The following FBXO34 variants were observed in gnomAD, a reference collection of about 807,000 sequenced individuals.
The protein encoded by FBXO34 is F-box only protein 34.
FBXO34 carries 12 observed loss-of-function variants against 24.5 expected under a neutral mutation model. The observed-to-expected ratio is 0.49, with a 90% CI of 0.31 to 0.79. The LOEUF is 0.79. Among genes scored for constraint, FBXO34 ranks in the 30% least tolerant of loss-of-function variants. The pLI, the probability that FBXO34 is intolerant of heterozygous loss-of-function variation, is 0.04. For missense variants in FBXO34, 823 were observed against 857.7 expected (o/e 0.96, Z 0.51); for synonymous variants, 320 against 311.9 (o/e 1.03, Z -0.27).
the FBXO34 span, among the ~76,000 whole-genome samples, chr14:55,422,611 AG>A: frequency 6.6e-6 from 1 of 152,156 alleles, no homozygotes; most frequent in African/African-American, 2.4e-5. Context: ...CAGCACTTTG[AG>A]AGGCCAAGGC....
chr14:55,298,621 G>C, intron 1 of FBXO34: 3 of 1,257,030 alleles, frequency 2.4e-6, no homozygotes, highest in Non-Finnish European at 3.3e-6. Context: ...CGGAGCGGGC[G>C]TTGAAGGCTG....
chr14:55,361,239 C>T (rs191750195), intron 3 of FBXO34, among the ~76,000 whole-genome samples: 108 of 152,332 alleles, frequency 7.1e-4, no homozygotes, highest in African/African-American at 2.4e-3. Flanking sequence ...TGCATGAAAA[C>T]ATTAATCTCC....
chr14:55,407,908 G>A, the FBXO34 span, among the ~76,000 whole-genome samples: 3 of 152,110 alleles, frequency 2.0e-5, no homozygotes, highest in Non-Finnish European at 4.4e-5. Flanking sequence ...GAGGAAAAGT[G>A]TTCCAGGCAG....
the FBXO34 span, among the ~76,000 whole-genome samples, chr14:55,430,276 C>A: frequency 1.3e-5 from 2 of 152,102 alleles, no homozygotes; most frequent in African/African-American, 4.8e-5. Flanking sequence ...AACTTGTTTG[C>A]CTGGACTAAA....
downstream of FBXO34, chr14:55,369,668 G>A (rs370413566): frequency 1.3e-6 from 2 of 1,574,838 alleles, no homozygotes; most frequent in Non-Finnish European, 1.7e-6. Flanking sequence ...CGAGGCTGCT[G>A]CAGAGGAGAT....
At position 55,287,929 on chromosome 14, in the gene FBXO34, T is replaced by C. The variant is rs561633764; in HGVS notation, c.-11+16392T>C. Among the ~76,000 whole-genome samples, 57 of 152,318 alleles carry C rather than the reference T, an allele frequency of 3.7e-4. 1 individual carries two copies. The highest frequency in any genetic ancestry group is 2.9e-5 in the Non-Finnish European group (2 of 68,032). On this transcript the variant is annotated intron_variant, in intron 1 of 1. Transcript: ENST00000313833. ...GCTGTGTTAACAATGTCATCTTCATTGTTGTGTGCCTGTGTTTTGACTGTG... is the reference window on the plus strand; with the variant it reads ...GCTGTGTTAACAATGTCATCTTCATCGTTGTGTGCCTGTGTTTTGACTGTG...
At chr14:55,366,168 G>A (rs1461414677), downstream of FBXO34, among the ~76,000 whole-genome samples, 1 of 152,162 alleles carries the variant, frequency 6.6e-6, no homozygotes, top group African/African-American at 2.4e-5. Context: ...CGTCTTTAGG[G>A]AAAGTATGCA....
the FBXO34 span, chr14:55,411,708 C>G: frequency 1.9e-6 from 3 of 1,612,690 alleles, no homozygotes; most frequent in East Asian, 2.2e-5. Flanking sequence ...CGCTCCACAG[C>G]CACGTACAGC....
intron 1 of FBXO34, among the ~76,000 whole-genome samples, chr14:55,309,627 G>A (rs765960655): frequency 5.3e-5 from 8 of 152,262 alleles, no homozygotes; most frequent in Admixed American, 1.3e-4. Context: ...AAATCATTTG[G>A]AAGGCTGCAT....
At chr14:55,307,018 G>A (rs917871057) in intron 1 of FBXO34, among the ~76,000 whole-genome samples, 7 of 152,100 alleles carry the variant, frequency 4.6e-5, no homozygotes, top group South Asian at 2.1e-4. Flanking sequence ...GTTTAATATG[G>A]TATCCACCCA....
At chr14:55,371,376 C>T (rs1172043899), downstream of FBXO34, among the ~76,000 whole-genome samples, 3 of 152,212 alleles carry the variant, frequency 2.0e-5, no homozygotes, top group African/African-American at 4.8e-5. Context: ...CTCCCAGACA[C>T]CTGTGCTTCC....
At chr14:55,321,923 T>C (rs901872069) in intron 1 of FBXO34, among the ~76,000 whole-genome samples, 57 of 152,262 alleles carry the variant, frequency 3.7e-4, no homozygotes, top group Admixed American at 3.7e-3. Context: ...TTTGAAATTA[T>C]ACAATTTAAC....
the FBXO34 span, chr14:55,385,982 A>C: frequency 1.2e-6 from 2 of 1,613,996 alleles, no homozygotes; most frequent in African/African-American, 1.3e-5. Flanking sequence ...TTTTTCTACC[A>C]GGTCACCAAG....
At chr14:55,398,354 G>A in the FBXO34 span, among the ~76,000 whole-genome samples, 5,101 of 152,182 alleles carry the variant, frequency 0.034, 236 homozygotes, top group East Asian at 0.17. Flanking sequence ...AGTTTAAGGT[G>A]ATAACTCAGG....
chr14:55,427,218 G>A, the FBXO34 span, among the ~76,000 whole-genome samples: 1 of 151,942 alleles, frequency 6.6e-6, no homozygotes, highest in Admixed American at 6.5e-5. Flanking sequence ...GGGGGAATGG[G>A]AGGACTTTAT....
chr14:55,411,979 C>G, the FBXO34 span: 1 of 684,530 alleles, frequency 1.5e-6, no homozygotes, highest in Non-Finnish European at 2.4e-6. Context: ...TGTTGTTTTT[C>G]CGGTCTGCTG....
At chr14:55,328,060 T>G (rs1883409895) in intron 1 of FBXO34, among the ~76,000 whole-genome samples, 1 of 151,376 alleles carries the variant, frequency 6.6e-6, no homozygotes. Flanking sequence ...AAGTTCTGCC[T>G]CGTGCCTCAG....
the FBXO34 span, among the ~76,000 whole-genome samples, chr14:55,379,781 G>A: frequency 6.6e-6 from 1 of 152,170 alleles, no homozygotes; most frequent in Admixed American, 6.5e-5. Context: ...GAGTGCAGTG[G>A]TGTGATCTCA....
the FBXO34 span, among the ~76,000 whole-genome samples, chr14:55,421,905 G>A: frequency 1.3e-5 from 2 of 152,226 alleles, no homozygotes; most frequent in African/African-American, 2.4e-5. Flanking sequence ...CTGAATTCAG[G>A]TAATATAAAA....
Sources: allele counts gnomAD v4.1 joint callset (sites outside exome capture counted in the v4.1 genomes callset), GRCh38; gene constraint gnomAD v4.1.1; transcripts MANE v1.5; gene names NCBI Gene and HGNC (gene_info 2026-07-23, HGNC 2026-07-21).